The following ZNF208 variants were observed in gnomAD, a reference collection of about 807,000 sequenced individuals.
ZNF208 encodes zinc finger protein 95.
Under a neutral mutation model 12.1 loss-of-function variants are expected in ZNF208, and 10 were observed. The ratio of observed to expected loss-of-function variants is 0.83; its 90% CI spans 0.51 to 1.40. The LOEUF is 1.40. ZNF208 is among the 40% of genes most tolerant of loss of function. ZNF208 has a pLI of 0.00. For missense variants in ZNF208, 1,652 were observed against 1,485.0 expected (o/e 1.11, Z -1.85); for synonymous variants, 497 against 488.4 (o/e 1.02, Z -0.23).
chr19:21,976,340 A>T (rs1970430502), intron 3 of ZNF208, among the ~76,000 whole-genome samples: 1 of 152,186 alleles, frequency 6.6e-6, no homozygotes, highest in Non-Finnish European at 1.5e-5. Flanking sequence ...AAGGTACCAC[A>T]CACACAAAAT....
intron 2 of ZNF208, among the ~76,000 whole-genome samples, chr19:21,988,540 A>G (rs1970665838): frequency 6.6e-6 from 1 of 152,096 alleles, no homozygotes; most frequent in Non-Finnish European, 1.5e-5. Flanking sequence ...TCATTAAGTC[A>G]AGCAGCTGAC....
intron 4 of ZNF208, chr19:21,940,287 A>G (rs1969714206): frequency 6.6e-6 from 1 of 152,170 alleles, no homozygotes; most frequent in South Asian, 2.1e-4. Flanking sequence ...AGCTATGCAA[A>G]CCAAGACTTT....
At chr19:21,956,021 G>C (rs1187708385) in intron 4 of ZNF208, among the ~76,000 whole-genome samples, 1 of 144,286 alleles carries the variant, frequency 6.9e-6, no homozygotes, top group Non-Finnish European at 1.6e-5. Flanking sequence ...TTTTGGTGTG[G>C]ATGTCCCTTC....
chr19:21,974,623 C>T lies in ZNF208; in HGVS notation c.411G>A (p.Leu137=), dbSNP rs758231085. The change falls in exon 4 of 4, where the codon TTG becomes TTA. Residue 137 remains leucine (L), a synonymous_variant. Coordinates refer to ENST00000397126, the MANE Select transcript of ZNF208 (RefSeq NM_007153.3). ...KEGYNKLNQS[L]TTTQSKVFQR... Reference sequence around the variant, plus strand: ...GAAATACTTTGCTCTGTGTAGTTGTCAAACTCTGGTTAAGTTTATTATAAC... The same window carrying T: ...GAAATACTTTGCTCTGTGTAGTTGTTAAACTCTGGTTAAGTTTATTATAAC... The T allele has an allele frequency of 4.3e-6, 7 of 1,613,622 alleles. No homozygotes were observed. The highest frequency in any genetic ancestry group is 5.9e-6 in the Non-Finnish European group (7 of 1,179,720).
At chr19:21,995,781 C>T (rs958035875) in intron 1 of ZNF208, among the ~76,000 whole-genome samples, 3 of 151,928 alleles carry the variant, frequency 2.0e-5, no homozygotes, top group Non-Finnish European at 4.4e-5. Flanking sequence ...TTTACACTTA[C>T]AGATTCTGCC....
At chr19:21,995,411 CA>C (rs1016187510) in intron 1 of ZNF208, among the ~76,000 whole-genome samples, 6 of 152,142 alleles carry the variant, frequency 3.9e-5, no homozygotes, top group African/African-American at 1.4e-4. Flanking sequence ...GTGAAACAAA[CA>C]CGAGATGACT....
At chr19:21,987,524 C>T (rs1338893573) in intron 2 of ZNF208, among the ~76,000 whole-genome samples, 1 of 152,126 alleles carries the variant, frequency 6.6e-6, no homozygotes, top group Non-Finnish European at 1.5e-5. Flanking sequence ...CACAGGAGGC[C>T]TCCGAGGAGG....
intron 1 of ZNF208, among the ~76,000 whole-genome samples, chr19:22,002,770 C>T (rs1434017491): frequency 1.3e-5 from 2 of 152,118 alleles, no homozygotes; most frequent in Non-Finnish European, 2.9e-5. Flanking sequence ...GGTCATACTG[C>T]TTAAATAAAT....
At chr19:21,992,690 A>C (rs965279758) in intron 1 of ZNF208, among the ~76,000 whole-genome samples, 3 of 152,204 alleles carry the variant, frequency 2.0e-5, no homozygotes, top group African/African-American at 7.2e-5. Context: ...GCAGATTATA[A>C]ATTCATAGTG....
At position 21,973,162 on chromosome 19, in the gene ZNF208, A is replaced by G; in HGVS notation, c.1872T>C (p.Leu624=). 1 of 1,613,410 alleles carries G rather than the reference A, an allele frequency of 6.2e-7. No homozygotes were observed. The highest frequency in any genetic ancestry group is 8.5e-7 in the Non-Finnish European group (1 of 1,179,790). ...CGKTFSKVST[L]TTHKAIHAGE... ...CAGCATGAATTGCCTTATGTGTAGT[A>G]AGGGTTGAGACCTTACTAAAGGTTT... Residue 624 remains leucine (L), a synonymous_variant, in exon 4 of 4, where the codon CTT becomes CTC. Transcript: ENST00000397126.
chr19:21,952,879 G>A (rs1398040200), intron 4 of ZNF208, among the ~76,000 whole-genome samples: 1 of 152,126 alleles, frequency 6.6e-6, no homozygotes, highest in Non-Finnish European at 1.5e-5. Flanking sequence ...CTGAGCTAAA[G>A]GAGCATGTTC....
At chr19:21,974,958 T>G (rs113707503) in intron 3 of ZNF208, among the ~76,000 whole-genome samples, 151 bp from the exon 4 acceptor site, 5,168 of 152,222 alleles carry the variant, frequency 0.034, 301 homozygotes, top group African/African-American at 0.12. Context: ...CATATAAATC[T>G]AATAAAAACA....
In ZNF208 at chr19:21,974,707, C is replaced by G. The variant is rs780221496; in HGVS notation, c.327G>C (p.Glu109Asp). 1 of 1,613,512 alleles carries G rather than the reference C, an allele frequency of 6.2e-7. No individual in the cohort carries two copies. Among genetic ancestry groups the G allele is most frequent in the South Asian group, 1.1e-5 (1 of 91,018 alleles). ...TATAACCAATTTTTAAGTGTAAATT[C>G]TCATGTCCACATTTTTCATACCTTC... ...ILRRYEKCGH[E>D]NLHLKIGYTN... Residue 109 changes from glutamate to aspartate, a missense_variant, in exon 4 of 4, where the codon GAG becomes GAC. Transcript: ENST00000397126.
intron 4 of ZNF208, among the ~76,000 whole-genome samples, chr19:21,957,819 TA>T (rs1158367191): frequency 6.6e-6 from 1 of 151,386 alleles, no homozygotes; most frequent in African/African-American, 2.4e-5. Context: ...AGCTTTTTTT[TA>T]AATTTTATTT....
At chr19:22,010,005 GA>G (rs908241172) in intron 1 of ZNF208, among the ~76,000 whole-genome samples, 1 of 152,098 alleles carries the variant, frequency 6.6e-6, no homozygotes. Context: ...CTAACATGGT[GA>G]AACCCTTTCT....
intron 1 of ZNF208, 139 bp from the exon 2 acceptor site, chr19:21,989,048 A>G: frequency 3.4e-6 from 4 of 1,182,024 alleles, no homozygotes; most frequent in Middle Eastern, 2.0e-4. Context: ...AATAATTTTT[A>G]ACACAAATAT....
rs181022878 is a variant in ZNF208 at position 21,996,386 on chromosome 19, A to G, written c.4-7477T>C. 1.7e-3 allele frequency among the ~76,000 whole-genome samples: 258 copies of G among 152,302 alleles called. 1 individual carries two copies. Among genetic ancestry groups the G allele is most frequent in the African/African-American group, 6.0e-3 (249 of 41,570 alleles). On this transcript the variant is annotated intron_variant, in intron 1 of 3. Coordinates refer to ENST00000397126, the MANE Select transcript of ZNF208 (RefSeq NM_007153.3). ...TACATCATTAAGGTTAAGGATATGG[A>G]ATATAGTGTCCAGTGTAGAATTATT...
At chr19:22,000,517 C>T (rs1305219194) in intron 1 of ZNF208, among the ~76,000 whole-genome samples, 1 of 151,976 alleles carries the variant, frequency 6.6e-6, no homozygotes, top group Non-Finnish European at 1.5e-5. Context: ...CAAATAAGAA[C>T]AAAAATACAA....
At chr19:22,003,492 A>G (rs1252434428) in intron 1 of ZNF208, among the ~76,000 whole-genome samples, 1 of 127,526 alleles carries the variant, frequency 7.8e-6, no homozygotes, top group African/African-American at 3.1e-5. Flanking sequence ...AGAAAAAAAA[A>G]CTAAAAAGAA....
Sources: gnomAD v4.1 joint callset for allele counts (sites outside exome capture counted in the v4.1 genomes callset) on GRCh38, gnomAD v4.1.1 for gene constraint, MANE v1.5 for transcripts, NCBI Gene and HGNC (gene_info 2026-07-23, HGNC 2026-07-21) for gene names.